PSME4: variants seen among roughly 807,000 people sequenced by gnomAD.
PSME4 encodes proteasome activator complex subunit 4.
A neutral mutation model predicts 253.9 loss-of-function variants in PSME4; 89 were observed. The ratio of observed to expected loss-of-function variants is 0.35; its 90% CI spans 0.30 to 0.42. The LOEUF is 0.42. PSME4 is among the 10% of genes least tolerant of loss of function. The pLI is 1.00. For synonymous variants in PSME4, 851 were observed against 759.2 expected, an observed-to-expected ratio of 1.12 and a Z score of -1.99; for missense variants, 2,014 against 2,195.2, an observed-to-expected ratio of 0.92 and a Z score of 1.65.
rs1040855722 is a variant in PSME4 at position 53,948,365 on chromosome 2, C to A, written c.500+56G>T. On this transcript the variant is annotated intron_variant, in intron 3 of 46. Transcript: ENST00000404125. ...ACTCAATATTTTTCAATCATGATCACCCCCCTAAAAAACCCCAAGTACTCC... is the reference window on the plus strand; with the variant it reads ...ACTCAATATTTTTCAATCATGATCAACCCCCTAAAAAACCCCAAGTACTCC... 1.7e-5 allele frequency: 17 copies of A among 1,004,996 alleles called. No individual in the cohort carries two copies. In the East Asian group the frequency reaches 2.9e-4, roughly 17 times the overall value. The allele number at this position is 1,004,996 out of a possible 1,614,324, so 62.3% of individuals were successfully genotyped here.
chr2:53,885,216 C>G (rs554407497), intron 41 of PSME4, among the ~76,000 whole-genome samples: 1 of 152,166 alleles, frequency 6.6e-6, no homozygotes, highest in African/African-American at 2.4e-5. Context: ...CTTTCATTAA[C>G]AAAATGTCAT....
chr2:53,921,178 ATGTT>A, intron 17 of PSME4, 74 bp from the exon 18 acceptor site: 1 of 1,590,020 alleles, frequency 6.3e-7, no homozygotes, highest in South Asian at 1.1e-5. Flanking sequence ...GCAAAGTTCA[ATGTT>A]TGGCCACTAA....
intron 12 of PSME4, 114 bp from the exon 13 acceptor site, chr2:53,926,137 G>C (rs974806266): frequency 4.0e-6 from 3 of 754,998 alleles, no homozygotes; most frequent in Non-Finnish European, 6.7e-6. Flanking sequence ...ATTATATTGG[G>C]TACTATGAGA....
At position 53,904,130 on chromosome 2, in the gene PSME4, A is replaced by G. The variant is rs1333284039; in HGVS notation, c.2970T>C (p.Phe990=). ...SQVRNKAQQT[F]FAALGAYNFC... is the part of the protein sequence containing the mutation. ...AGTTATATGCTCCCAAGGCAGCAAAAAATGTTTGCTGAGCCTTATTTCTCA... is the reference window on the plus strand; with the variant it reads ...AGTTATATGCTCCCAAGGCAGCAAAGAATGTTTGCTGAGCCTTATTTCTCA... Residue 990 remains phenylalanine, a synonymous_variant, in exon 27 of 47, where the codon TTT becomes TTC. Coordinates refer to ENST00000404125, the MANE Select transcript of PSME4 (RefSeq NM_014614.3). 4 of 1,612,614 alleles carry G rather than the reference A, an allele frequency of 2.5e-6. No homozygotes were observed. Among genetic ancestry groups the G allele is most frequent in the Non-Finnish European group, 3.4e-6 (4 of 1,178,926 alleles).
intron 36 of PSME4, 109 bp downstream of exon 36, chr2:53,892,699 C>T: frequency 9.8e-7 from 1 of 1,023,272 alleles, no homozygotes; most frequent in East Asian, 2.5e-5. Context: ...TTTCATATCA[C>T]TGAAGATTTC....
intron 1 of PSME4, among the ~76,000 whole-genome samples, chr2:53,962,961 G>C (rs1230550763): frequency 6.7e-6 from 1 of 150,028 alleles, no homozygotes; most frequent in Non-Finnish European, 1.5e-5. Context: ...AGTGAGCCGA[G>C]ATCGCGCCAC....
In PSME4 at chr2:53,963,127, G is replaced by A. The variant is rs1016122645; in HGVS notation, c.242+7416C>T. Among the ~76,000 whole-genome samples, 7 of 152,110 alleles carry A rather than the reference G, an allele frequency of 4.6e-5. 2 individuals carry two copies. Among genetic ancestry groups the A allele is most frequent in the Admixed American group, 4.6e-4 (7 of 15,270 alleles). On this transcript the variant is annotated intron_variant, in intron 1 of 46. Transcript: ENST00000404125. ...GATCACTTGAGCCCAAGAGTTCAAG[G>A]CCAGCCTGAGCAACATAGTGAGACT...
intron 1 of PSME4, among the ~76,000 whole-genome samples, chr2:53,949,638 G>T (rs76838954): frequency 9.9e-5 from 15 of 152,190 alleles, no homozygotes; most frequent in Non-Finnish European, 1.5e-4. Context: ...AGTGAAATAC[G>T]CCAGTCACAA....
At chr2:53,954,578 C>A (rs750299016) in intron 1 of PSME4, among the ~76,000 whole-genome samples, 1 of 152,120 alleles carries the variant, frequency 6.6e-6, no homozygotes, top group Non-Finnish European at 1.5e-5. Context: ...GTGAGTCACA[C>A]TTGTAGTCCC....
chr2:53,906,864 T>A lies in PSME4; in HGVS notation c.2789A>T (p.His930Leu), dbSNP rs756934213. 5 of 1,613,264 alleles carry A rather than the reference T, an allele frequency of 3.1e-6. No individual in the cohort carries two copies. The highest frequency in any genetic ancestry group is 4.2e-6 in the Non-Finnish European group (5 of 1,179,622). ...TGCTCTGATATGTTGTTTTTTCCCA[T>A]GGAGCTGGAAAACAAAGTAGCAACA... is the stretch of plus-strand genomic sequence containing the variant. Reference protein sequence around the residue: ...LVKKSMENRLHGKKQHIRALL... With the variant: ...LVKKSMENRLLGKKQHIRALL... The change falls in exon 25 of 47, where the codon CAT (histidine) becomes CTT (leucine). Residue 930 changes from histidine (H) to leucine (L), a missense_variant. Coordinates refer to ENST00000404125, the MANE Select transcript of PSME4 (RefSeq NM_014614.3).
At chr2:53,966,634 T>C (rs1034284993) in intron 1 of PSME4, among the ~76,000 whole-genome samples, 3 of 152,050 alleles carry the variant, frequency 2.0e-5, no homozygotes, top group African/African-American at 7.2e-5. Context: ...CCTGAGGTGT[T>C]CTAACGAGCA....
intron 26 of PSME4, among the ~76,000 whole-genome samples, chr2:53,905,325 C>T (rs1023634694): frequency 5.9e-5 from 9 of 152,018 alleles, no homozygotes; most frequent in Admixed American, 2.6e-4. Context: ...CCACCACACC[C>T]GGCCTCAAAC....
intron 17 of PSME4, among the ~76,000 whole-genome samples, chr2:53,921,684 C>T (rs1479420877): frequency 9.5e-5 from 13 of 136,226 alleles, no homozygotes; most frequent in African/African-American, 1.9e-4. Context: ...CCGGCTAAAA[C>T]GGTGAAACCC....
intron 20 of PSME4, among the ~76,000 whole-genome samples, chr2:53,910,336 G>GA (rs1315254216): frequency 6.6e-6 from 1 of 151,990 alleles, no homozygotes; most frequent in Non-Finnish European, 1.5e-5. Flanking sequence ...TCAACTTAAA[G>GA]AAAAAATTTA....
Position 53,937,243 on chromosome 2 carries a change from C to A in PSME4, c.695+148G>T, listed in dbSNP as rs944772877. ...ACTTTCAATCTTACAACCGTTTTAG[C>A]CTTAACACACTTCAAGTATAATAAA... On this transcript the variant is annotated intron_variant, in intron 5 of 46. Coordinates refer to ENST00000404125, the MANE Select transcript of PSME4 (RefSeq NM_014614.3). 3.4e-5 allele frequency: 25 copies of A among 739,748 alleles called. No individual in the cohort carries two copies. The Middle Eastern group carries it at 2.0e-3, about 59-fold the overall frequency. 45.8% of individuals were successfully genotyped at this position (739,748 alleles called of 1,614,324 possible). A position where few individuals can be genotyped will look rare whatever the true frequency, so the allele number is the denominator to read the frequency against.
At chr2:53,956,022 T>G (rs1281456043) in intron 1 of PSME4, among the ~76,000 whole-genome samples, 1 of 151,978 alleles carries the variant, frequency 6.6e-6, no homozygotes, top group Non-Finnish European at 1.5e-5. Flanking sequence ...CCCAGCACTT[T>G]GAGAGACTGA....
intron 44 of PSME4, 51 bp from the exon 45 acceptor site, chr2:53,866,931 AC>A: frequency 6.5e-7 from 1 of 1,536,540 alleles, no homozygotes; most frequent in Non-Finnish European, 8.8e-7. Context: ...TCTCTAATGC[AC>A]TTGTTACAGT....
intron 5 of PSME4, among the ~76,000 whole-genome samples, 186 bp downstream of exon 5, chr2:53,937,205 G>A (rs1425748696): frequency 6.6e-6 from 1 of 151,768 alleles, no homozygotes; most frequent in African/African-American, 2.4e-5. Context: ...TCTTATTTGG[G>A]TGTCATCTCT....
chr2:53,883,520 T>G (rs1679492391), intron 41 of PSME4, among the ~76,000 whole-genome samples: 2 of 152,304 alleles, frequency 1.3e-5, no homozygotes, highest in African/African-American at 4.8e-5. Context: ...TGTGATAAGC[T>G]GCCATTCGCT....
Sources: allele counts gnomAD v4.1 joint callset (sites outside exome capture counted in the v4.1 genomes callset), GRCh38; gene constraint gnomAD v4.1.1; transcripts MANE v1.5; gene names NCBI Gene and HGNC (gene_info 2026-07-23, HGNC 2026-07-21).